The following FARS2 variants were observed in gnomAD, a reference collection of about 807,000 sequenced individuals.
The protein encoded by FARS2 is phenylalanine--tRNA ligase, mitochondrial.
A neutral mutation model predicts 46.4 loss-of-function variants in FARS2; 40 were observed. The observed-to-expected ratio is 0.86, with a 90% CI of 0.67 to 1.12. The LOEUF (loss-of-function observed/expected upper bound fraction) is 1.12. FARS2 is among the 50% of genes most tolerant of loss of function. FARS2 has a pLI of 0.00. For missense variants in FARS2, 513 were observed against 567.9 expected (o/e 0.90, Z 0.98); for synonymous variants, 234 against 214.9 (o/e 1.09, Z -0.78).
At chr6:5,440,788 T>C (rs1243305330) in intron 4 of FARS2, among the ~76,000 whole-genome samples, 1 of 152,192 alleles carries the variant, frequency 6.6e-6, no homozygotes, top group African/African-American at 2.4e-5. Context: ...ACCTCCCAAG[T>C]AGCTGGGAGT....
At chr6:5,722,000 C>A (rs542278293) in intron 6 of FARS2, among the ~76,000 whole-genome samples, 1 of 152,332 alleles carries the variant, frequency 6.6e-6, no homozygotes, top group South Asian at 2.1e-4. Context: ...AGGGTTGAAA[C>A]TTAATAAAGG....
At chr6:5,297,169 G>A (rs1219344421) in intron 1 of FARS2, among the ~76,000 whole-genome samples, 2 of 152,116 alleles carry the variant, frequency 1.3e-5, no homozygotes, top group Non-Finnish European at 2.9e-5. Flanking sequence ...GTGCAGACCT[G>A]AATCTGAATT....
At chr6:5,340,401 C>G (rs1771472808) in intron 1 of FARS2, among the ~76,000 whole-genome samples, 1 of 152,164 alleles carries the variant, frequency 6.6e-6, no homozygotes, top group African/African-American at 2.4e-5. Context: ...TAACTAAAGT[C>G]TACTCTTGGT....
intron 6 of FARS2, among the ~76,000 whole-genome samples, chr6:5,663,779 T>C (rs1240573910): frequency 6.6e-6 from 1 of 152,176 alleles, no homozygotes; most frequent in Non-Finnish European, 1.5e-5. Context: ...AAGGAAGATG[T>C]CTTTGAAATG....
intron 4 of FARS2, among the ~76,000 whole-genome samples, chr6:5,476,579 T>A (rs1766136841): frequency 6.6e-6 from 1 of 152,034 alleles, no homozygotes; most frequent in Non-Finnish European, 1.5e-5. Context: ...GATGAACAAA[T>A]GAAAGAATGA....
Position 5,527,545 on chromosome 6 carries a change from A to G in FARS2, c.905-17635A>G, listed in dbSNP as rs866542495. On this transcript the variant is annotated intron_variant, in intron 4 of 6. Transcript: ENST00000274680. ...TACAATGTTTCAACAGTGTTTCCTC[A>G]AACTCCTCTTATGGATATGACTCAC... Among the ~76,000 whole-genome samples, 3 of 152,248 alleles carry G rather than the reference A, an allele frequency of 2.0e-5. No homozygotes were observed. The South Asian group carries it at 6.2e-4, about 32-fold the overall frequency.
intron 1 of FARS2, among the ~76,000 whole-genome samples, chr6:5,278,923 C>T (rs1047593634): frequency 6.6e-6 from 1 of 152,176 alleles, no homozygotes; most frequent in Non-Finnish European, 1.5e-5. Flanking sequence ...GCCTTGAGTG[C>T]ACAACAAGAC....
At chr6:5,270,992 T>C (rs1320861522) in intron 1 of FARS2, among the ~76,000 whole-genome samples, 1 of 152,238 alleles carries the variant, frequency 6.6e-6, no homozygotes, top group African/African-American at 2.4e-5. Context: ...TCCCTTAGTA[T>C]GGTGAATTGC....
chr6:5,544,872 A>C (rs1399558159), intron 4 of FARS2, among the ~76,000 whole-genome samples: 1 of 152,186 alleles, frequency 6.6e-6, no homozygotes, highest in African/African-American at 2.4e-5. Context: ...AGAGCAAGCA[A>C]AGACTACAGA....
At chr6:5,473,643 T>C (rs1369795241) in intron 4 of FARS2, among the ~76,000 whole-genome samples, 1 of 152,184 alleles carries the variant, frequency 6.6e-6, no homozygotes, top group Non-Finnish European at 1.5e-5. Flanking sequence ...TTGTTTTTCT[T>C]CTTACAGCAT....
At chr6:5,537,720 G>GCAGAGCTTGTAGAGC (rs1424463207) in intron 4 of FARS2, among the ~76,000 whole-genome samples, 1 of 152,234 alleles carries the variant, frequency 6.6e-6, no homozygotes. Context: ...CGCTGTAGAG[G>GCAGAGCTTGTAGAGC]CAGAGCTTGT....
chr6:5,665,822 G>A (rs1341004662), intron 6 of FARS2, among the ~76,000 whole-genome samples: 1 of 152,220 alleles, frequency 6.6e-6, no homozygotes, highest in African/African-American at 2.4e-5. Context: ...ATTGGTAAGT[G>A]AGAAGCCAGT....
chr6:5,643,886 A>G (rs764396130), intron 6 of FARS2, among the ~76,000 whole-genome samples: 11 of 152,176 alleles, frequency 7.2e-5, no homozygotes, highest in Non-Finnish European at 1.2e-4. Flanking sequence ...TGGCAGACTT[A>G]TTGAGAAGGT....
rs1231040174 is a variant in FARS2 at position 5,373,959 on chromosome 6, GACTA to G, written c.612+4781_612+4784del. Among the ~76,000 whole-genome samples, 6 of 152,084 alleles carry G rather than the reference GACTA, an allele frequency of 3.9e-5. No individual in the cohort carries two copies. The South Asian group carries it at 6.2e-4, about 16-fold the overall frequency. On this transcript the variant is annotated intron_variant, in intron 2 of 6. Transcript: ENST00000274680. ...TGAGACCACTGGAAATTTGAGCACT[GACTA>G]ACTGAATATTTGAAATTCAGTTCTT...
rs1765816254 is a variant in FARS2, at chr6:5,471,728, G to C, written c.904+40556G>C. Among the ~76,000 whole-genome samples, 1 of 152,196 alleles carries C rather than the reference G, an allele frequency of 6.6e-6. No individual in the cohort carries two copies. The highest frequency in any genetic ancestry group is 6.5e-5 in the Admixed American group (1 of 15,284). On this transcript the variant is annotated intron_variant, in intron 4 of 6. Transcript: ENST00000274680. The surrounding 1 kb of genome is among the most constrained non-coding windows in gnomAD (Gnocchi z 4.1). ...GTTGGCTCATATTATGTGGTGATTAGAGCTGGGCTTCAATCAGCTGGATGA... is the reference window on the plus strand; with the variant it reads ...GTTGGCTCATATTATGTGGTGATTACAGCTGGGCTTCAATCAGCTGGATGA...
chr6:5,594,788 T>C (rs1774106911), intron 5 of FARS2, among the ~76,000 whole-genome samples: 1 of 152,286 alleles, frequency 6.6e-6, no homozygotes, highest in East Asian at 1.9e-4. Flanking sequence ...ACAGGGGCTG[T>C]GCTGGCATCT....
At chr6:5,581,229 G>A (rs1263274503) in intron 5 of FARS2, among the ~76,000 whole-genome samples, 1 of 152,216 alleles carries the variant, frequency 6.6e-6, no homozygotes, top group Admixed American at 6.5e-5. Flanking sequence ...CAGCTGAGGA[G>A]AGAAAAACAA....
intron 3 of FARS2, among the ~76,000 whole-genome samples, chr6:5,420,561 G>C (rs1404874363): frequency 6.6e-6 from 1 of 152,200 alleles, no homozygotes; most frequent in Non-Finnish European, 1.5e-5. Flanking sequence ...CCATGCAAGT[G>C]TGAAATCCAG....
At chr6:5,348,416 G>T (rs1309475801) in intron 1 of FARS2, among the ~76,000 whole-genome samples, 2 of 150,988 alleles carry the variant, frequency 1.3e-5, no homozygotes, top group Admixed American at 1.3e-4. Flanking sequence ...TGTTACCCTG[G>T]CTTACTGGCC....
Sources: allele counts gnomAD v4.1 joint callset (sites outside exome capture counted in the v4.1 genomes callset), GRCh38; gene constraint gnomAD v4.1.1; non-coding constraint Gnocchi (gnomAD v3.1); transcripts MANE v1.5; gene names NCBI Gene and HGNC (gene_info 2026-07-23, HGNC 2026-07-21).